The following FLRT1 variants were observed in gnomAD, a reference collection of about 807,000 sequenced individuals.
FLRT1 encodes the protein fibronectin leucine rich transmembrane protein 1, also known as leucine-rich repeat transmembrane protein FLRT1.
In FLRT1, 14 loss-of-function variants were observed where a neutral mutation model predicts 30.9. That is an observed-to-expected ratio of 0.45 (90% confidence interval 0.30 to 0.71). FLRT1 has a LOEUF of 0.71. FLRT1 is among the 30% of genes least tolerant of loss of function. The pLI, the probability that FLRT1 is intolerant of heterozygous loss-of-function variation, is 0.08. For missense variants in FLRT1, 737 were observed against 949.2 expected (o/e 0.78, Z 2.94); for synonymous variants, 368 against 430.4 (o/e 0.85, Z 1.80).
intron 1 of FLRT1, among the ~76,000 whole-genome samples, chr11:64,077,269 C>G (rs1182218440): frequency 6.6e-6 from 1 of 152,214 alleles, no homozygotes; most frequent in Non-Finnish European, 1.5e-5. Flanking sequence ...ACAGGTACCC[C>G]AGGCGGCCAG....
intron 2 of FLRT1, among the ~76,000 whole-genome samples, chr11:64,108,884 C>T (rs1164831057): frequency 6.6e-6 from 1 of 152,088 alleles, no homozygotes; most frequent in African/African-American, 2.4e-5. Context: ...ACACCAGTGC[C>T]AGGCCACACA....
intron 1 of FLRT1, among the ~76,000 whole-genome samples, chr11:64,063,972 C>T (rs1304476792): frequency 6.6e-6 from 1 of 152,180 alleles, no homozygotes; most frequent in Non-Finnish European, 1.5e-5. Context: ...GACAATGAAT[C>T]GCATCCGAGT....
intron 1 of FLRT1, among the ~76,000 whole-genome samples, chr11:64,079,081 G>A (rs912667240): frequency 1.3e-5 from 2 of 151,784 alleles, no homozygotes; most frequent in African/African-American, 4.8e-5. Context: ...GTGGGGAGGC[G>A]CTGCTGTCTC....
intron 1 of FLRT1, among the ~76,000 whole-genome samples, chr11:64,078,515 C>G (rs1369522233): frequency 1.3e-5 from 2 of 152,188 alleles, no homozygotes; most frequent in Non-Finnish European, 2.9e-5. Context: ...CTTGCAGCAT[C>G]GGAGGGATAC....
rs1159376724 is a variant in FLRT1 at position 64,067,482 on chromosome 11, G to A, written c.-1038+31323G>A. Among the ~76,000 whole-genome samples the A allele has an allele frequency of 6.6e-6, 1 of 152,122 alleles. No homozygotes were observed. The highest frequency in any genetic ancestry group is 1.5e-5 in the Non-Finnish European group (1 of 68,012). ...CGCCCAGCTCAGATAACAGAAGGGA[G>A]GAGATAGGTCGGGGACGGGGACAGA... On this transcript the variant is annotated intron_variant, in intron 1 of 2. Transcript: ENST00000682287. The surrounding 1 kb of genome is among the most constrained non-coding windows in gnomAD (Gnocchi z 4.6).
intron 1 of FLRT1, among the ~76,000 whole-genome samples, chr11:64,094,945 G>A (rs1590899681): frequency 6.6e-6 from 1 of 152,230 alleles, no homozygotes; most frequent in Non-Finnish European, 1.5e-5. Context: ...TCCCAGCCCC[G>A]TGTGCTCCAG....
At position 64,117,469 on chromosome 11, in the gene FLRT1, C is replaced by A. The variant is rs374535379; in HGVS notation, c.1202C>A (p.Ser401Tyr). 2.3e-5 allele frequency: 37 copies of A among 1,612,946 alleles called. No homozygotes were observed. The African/African-American group carries it at 4.0e-4, about 17-fold the overall frequency. ...AAKTTASNHA[S>Y]ATTPQGSLFT... ...AAGACCACGGCCAGCAACCACGCCT[C>A]TGCCACCACGCCCCAGGGTTCCCTG... The change falls in exon 3 of 3, where the codon TCT (serine) becomes TAT (tyrosine). Residue 401 changes from serine (S) to tyrosine (Y), a missense_variant. Ser to Tyr is a moderately radical substitution (Grantham distance 144). Transcript: ENST00000682287.
At chr11:64,083,854 G>A (rs1054390114) in intron 1 of FLRT1, among the ~76,000 whole-genome samples, 4 of 152,250 alleles carry the variant, frequency 2.6e-5, no homozygotes, top group African/African-American at 9.6e-5. Flanking sequence ...CCGGTGAGGG[G>A]CGCTGACCTG....
At chr11:64,095,334 T>C (rs1333383688) in intron 1 of FLRT1, among the ~76,000 whole-genome samples, 1 of 152,238 alleles carries the variant, frequency 6.6e-6, no homozygotes, top group Non-Finnish European at 1.5e-5. Context: ...AATAGCTTCC[T>C]GAGCCACTCG....
At chr11:64,073,486 G>A (rs144544706) in intron 1 of FLRT1, among the ~76,000 whole-genome samples, 47 of 152,358 alleles carry the variant, frequency 3.1e-4, no homozygotes, top group African/African-American at 1.1e-3. Context: ...CATGAAACTG[G>A]AGGTTGGTGG....
intron 1 of FLRT1, among the ~76,000 whole-genome samples, chr11:64,038,921 T>C (rs1214821897): frequency 6.6e-6 from 1 of 152,146 alleles, no homozygotes; most frequent in Non-Finnish European, 1.5e-5. Flanking sequence ...AGTACCTACC[T>C]TGGGGAGGCA....
chr11:64,058,411 G>T (rs1943832582), intron 1 of FLRT1, among the ~76,000 whole-genome samples: 1 of 152,244 alleles, frequency 6.6e-6, no homozygotes, highest in African/African-American at 2.4e-5. Flanking sequence ...CTTGGGGGGG[G>T]GTCCTCCCCT....
intron 1 of FLRT1, among the ~76,000 whole-genome samples, chr11:64,055,583 C>T (rs1049315680): frequency 1.3e-5 from 2 of 152,224 alleles, no homozygotes; most frequent in Non-Finnish European, 2.9e-5. Flanking sequence ...CTTTCTCTGT[C>T]CCTCCACGAG....
chr11:64,044,530 C>T (rs1314471946), intron 1 of FLRT1, among the ~76,000 whole-genome samples: 4 of 152,154 alleles, frequency 2.6e-5, no homozygotes, highest in African/African-American at 7.2e-5. Flanking sequence ...TGAGACACTG[C>T]GCCTGCTCTC....
Position 64,118,558 on chromosome 11 carries a change from G to A in FLRT1, c.*266G>A. The A allele has an allele frequency of 2.5e-6, 1 of 406,176 alleles. No homozygotes were observed. Among genetic ancestry groups the A allele is most frequent in the Non-Finnish European group, 4.5e-6 (1 of 220,312 alleles). 25.2% of individuals were successfully genotyped at this position (406,176 alleles called of 1,614,324 possible). A position where few individuals can be genotyped will look rare whatever the true frequency, so the allele number is the denominator to read the frequency against. ...CAAGTTATGCCAGTTGGGGAGGGAA[G>A]GACTAAAAATAATATTGCAGGCAGG... On this transcript the variant is annotated 3_prime_UTR_variant, in exon 3 of 3. Transcript: ENST00000682287.
chr11:64,055,058 C>A (rs1943759921), intron 1 of FLRT1, among the ~76,000 whole-genome samples: 1 of 152,158 alleles, frequency 6.6e-6, no homozygotes, highest in East Asian at 1.9e-4. Flanking sequence ...CTCCAGGAAG[C>A]CTTCCTAGAT....
At chr11:64,099,573 T>C (rs1198532801) in intron 1 of FLRT1, among the ~76,000 whole-genome samples, 1 of 148,560 alleles carries the variant, frequency 6.7e-6, no homozygotes, top group Non-Finnish European at 1.5e-5. Flanking sequence ...TAGAGGTGAA[T>C]AGATGGACTG....
At position 64,104,053 on chromosome 11, in the gene FLRT1, G is replaced by A. The variant is rs1245644541; in HGVS notation, c.-178G>A. The A allele has an allele frequency of 4.6e-5, 7 of 152,350 alleles. No homozygotes were observed. The highest frequency in any genetic ancestry group is 1.4e-4 in the African/African-American group (6 of 41,446). 9.4% of individuals were successfully genotyped at this position (152,350 alleles called of 1,614,324 possible). ...GTGGTGCAAGGCCTGGTAGGACCAC[G>A]GGGCAGGGAATGTGAGCGCCATCTG... On this transcript the variant is annotated 5_prime_UTR_variant, in exon 2 of 3. Coordinates refer to ENST00000682287, the MANE Select transcript of FLRT1 (RefSeq NM_013280.5).
At chr11:64,048,607 C>T (rs558565337) in intron 1 of FLRT1, among the ~76,000 whole-genome samples, 2 of 152,182 alleles carry the variant, frequency 1.3e-5, no homozygotes, top group Non-Finnish European at 1.5e-5. Flanking sequence ...GCAGCCCCAG[C>T]GGAATTCTTA....
Sources: gnomAD v4.1 joint callset for allele counts (sites outside exome capture counted in the v4.1 genomes callset) on GRCh38, gnomAD v4.1.1 for gene constraint, Gnocchi (gnomAD v3.1) non-coding constraint, MANE v1.5 for transcripts, NCBI Gene and HGNC (gene_info 2026-07-23, HGNC 2026-07-21) for gene names.